ATP2B1: variants seen among roughly 807,000 people sequenced by gnomAD.
ATP2B1 encodes ATPase plasma membrane Ca2+ transporting 1.
Under a neutral mutation model 124.2 loss-of-function variants are expected in ATP2B1, and 14 were observed. The observed-to-expected ratio is 0.11, with a 90% CI of 0.07 to 0.18. ATP2B1 has a LOEUF of 0.18. Ranked by LOEUF, ATP2B1 falls within the 10% of genes least tolerant of loss-of-function variation. The probability of loss-of-function intolerance (pLI) is 1.00; values close to 1 mark genes in which losing one functional copy is unlikely to be tolerated. For missense variants in ATP2B1, 763 were observed against 1,466.1 expected, an observed-to-expected ratio of 0.52 and a Z score of 7.83; for synonymous variants, 449 against 492.4, an observed-to-expected ratio of 0.91 and a Z score of 1.17.
intron 1 of ATP2B1, among the ~76,000 whole-genome samples, chr12:89,704,574 T>A (rs1892228286): frequency 6.6e-6 from 1 of 152,030 alleles, no homozygotes. Flanking sequence ...GCTAGCTATA[T>A]GACCTTAGGG....
chr12:89,694,511 A>G lies in ATP2B1; in HGVS notation c.-222+14085T>C, dbSNP rs910629092. On this transcript the variant is annotated intron_variant, in intron 1 of 20. Coordinates refer to ENST00000428670, the MANE Select transcript of ATP2B1 (RefSeq NM_001366521.1). The stretch of plus-strand genomic sequence containing the variant: ...GGGGCATGGCCAAAGAATCTGCTCA[A>G]AAGAGCTTTCCCTCCACTCGGAAAT... 3.6e-4 allele frequency among the ~76,000 whole-genome samples: 55 copies of G among 152,094 alleles called. 1 individual carries two copies. The highest frequency in any genetic ancestry group is 7.8e-4 in the Non-Finnish European group (53 of 68,000).
At chr12:89,668,760 A>G (rs530620195) in intron 1 of ATP2B1, among the ~76,000 whole-genome samples, 1 of 152,330 alleles carries the variant, frequency 6.6e-6, no homozygotes, top group South Asian at 2.1e-4. Flanking sequence ...TGACAGCTTC[A>G]GTATGGGTGT....
intron 7 of ATP2B1, 56 bp downstream of exon 7, chr12:89,627,622 A>G: frequency 1.3e-6 from 2 of 1,566,286 alleles, no homozygotes; most frequent in Admixed American, 1.7e-5. Flanking sequence ...GGTATACAGT[A>G]GATTTTTGGA....
chr12:89,604,735 A>C (rs1223775341), intron 15 of ATP2B1, among the ~76,000 whole-genome samples: 1 of 152,152 alleles, frequency 6.6e-6, no homozygotes, highest in Non-Finnish European at 1.5e-5. Flanking sequence ...AAAACCCATA[A>C]AACCTTAGAG....
At chr12:89,654,477 A>T (rs1885704375) in intron 2 of ATP2B1, among the ~76,000 whole-genome samples, 1 of 152,228 alleles carries the variant, frequency 6.6e-6, no homozygotes, top group African/African-American at 2.4e-5. Flanking sequence ...AAGAGTTAAC[A>T]GGTCTTGCAG....
Position 89,590,918 on chromosome 12 carries a change from G to A in ATP2B1, c.*66C>T, listed in dbSNP as rs531539802. On this transcript the variant is annotated 3_prime_UTR_variant, in exon 21 of 21. Coordinates refer to ENST00000428670, the MANE Select transcript of ATP2B1 (RefSeq NM_001366521.1). Reference sequence around the variant, plus strand: ...AATACTAGCTTGTCCATCACAATATGTGAAAAGACCCAGTTTCAATTTGTT... The same window carrying A: ...AATACTAGCTTGTCCATCACAATATATGAAAAGACCCAGTTTCAATTTGTT... 2.8e-5 allele frequency: 41 copies of A among 1,453,980 alleles called. No homozygotes were observed. In the South Asian group the frequency reaches 5.0e-4, roughly 18 times the overall value. The allele number at this position is 1,453,980 out of a possible 1,614,324, so 90.1% of individuals were successfully genotyped here. A position where few individuals can be genotyped will look rare whatever the true frequency, so the allele number is the denominator to read the frequency against.
intron 1 of ATP2B1, among the ~76,000 whole-genome samples, chr12:89,702,137 C>T (rs1891927497): frequency 6.6e-6 from 1 of 152,152 alleles, no homozygotes; most frequent in Non-Finnish European, 1.5e-5. Flanking sequence ...TTAGATTCAG[C>T]CCTTATTAGC....
chr12:89,686,507 T>C (rs1206907416), intron 1 of ATP2B1, among the ~76,000 whole-genome samples: 1 of 152,132 alleles, frequency 6.6e-6, no homozygotes, highest in Non-Finnish European at 1.5e-5. Flanking sequence ...TTTTATCCAA[T>C]GTTACGCAAC....
intron 3 of ATP2B1, among the ~76,000 whole-genome samples, chr12:89,640,399 G>A (rs999510535): frequency 6.6e-6 from 1 of 152,162 alleles, no homozygotes; most frequent in African/African-American, 2.4e-5. Flanking sequence ...ATCTGGAGAC[G>A]TTTTTGGTTG....
In ATP2B1 at chr12:89,599,274, C is replaced by T. The variant is rs773996677; in HGVS notation, c.3194G>A (p.Arg1065His). Residue 1065 changes from arginine to histidine, a missense_variant, in exon 20 of 21, where the codon CGT becomes CAT. By Grantham distance (29) the Arg-to-His change is conservative. Coordinates refer to ENST00000428670, the MANE Select transcript of ATP2B1 (RefSeq NM_001366521.1). ...ACCAGCTTCTTTGAGGAATTTTAAA[C>T]GGCTAGTTGGAATTGTTGAAATAAG... ...GQLISTIPTS[R>H]LKFLKEAGHG... 1.4e-5 allele frequency: 23 copies of T among 1,613,888 alleles called. No individual in the cohort carries two copies. Among genetic ancestry groups the T allele is most frequent in the East Asian group, 2.2e-5 (1 of 44,894 alleles).
chr12:89,654,514 A>C (rs925573678), intron 2 of ATP2B1, among the ~76,000 whole-genome samples: 1 of 152,194 alleles, frequency 6.6e-6, no homozygotes, highest in African/African-American at 2.4e-5. Context: ...AAATAGTCTA[A>C]AGAAGCCCTG....
intron 1 of ATP2B1, among the ~76,000 whole-genome samples, chr12:89,677,390 C>T (rs1433074574): frequency 6.6e-6 from 1 of 152,084 alleles, no homozygotes; most frequent in Non-Finnish European, 1.5e-5. Context: ...AAGGAATAGT[C>T]TCCAACTGAG....
intron 10 of ATP2B1, among the ~76,000 whole-genome samples, chr12:89,621,332 CAA>C (rs927263685): frequency 6.6e-6 from 1 of 151,936 alleles, no homozygotes; most frequent in African/African-American, 2.4e-5. Flanking sequence ...ACAGGAAATT[CAA>C]AATATAGGAG....
At chr12:89,681,457 T>G (rs1889344197) in intron 1 of ATP2B1, among the ~76,000 whole-genome samples, 2 of 150,882 alleles carry the variant, frequency 1.3e-5, no homozygotes, top group Admixed American at 1.3e-4. Context: ...CTTGGCTCAC[T>G]GCAACCTCCG....
intron 3 of ATP2B1, among the ~76,000 whole-genome samples, chr12:89,636,224 G>T (rs1882683733): frequency 6.6e-6 from 1 of 151,936 alleles, no homozygotes; most frequent in African/African-American, 2.4e-5. Context: ...GGGGTGGGAG[G>T]TGGGGAGGGG....
intron 20 of ATP2B1, 105 bp downstream of exon 20, chr12:89,599,012 T>A: frequency 7.6e-7 from 1 of 1,322,784 alleles, no homozygotes. Context: ...AATTTGTGGG[T>A]TGGGAAGGCT....
chr12:89,597,532 A>AAC (rs1565796600), intron 20 of ATP2B1, among the ~76,000 whole-genome samples: 15 of 152,062 alleles, frequency 9.9e-5, no homozygotes, highest in Non-Finnish European at 1.9e-4. Flanking sequence ...AAATACGGAA[A>AAC]AAACAGGCAT....
chr12:89,594,407 CTT>C (rs1436377805), intron 20 of ATP2B1: 2 of 151,840 alleles, frequency 1.3e-5, no homozygotes, highest in Non-Finnish European at 2.9e-5. Context: ...TATAAGTAAA[CTT>C]AATTACAGGC....
intron 20 of ATP2B1, among the ~76,000 whole-genome samples, chr12:89,597,924 A>T (rs1336373121): frequency 1.3e-5 from 2 of 151,476 alleles, no homozygotes; most frequent in African/African-American, 4.9e-5. Flanking sequence ...CTATGATGCA[A>T]TTTTTAACTA....
Sources: gnomAD v4.1 joint callset for allele counts (sites outside exome capture counted in the v4.1 genomes callset) on GRCh38, gnomAD v4.1.1 for gene constraint, MANE v1.5 for transcripts, NCBI Gene and HGNC (gene_info 2026-07-23, HGNC 2026-07-21) for gene names.